Variants in TRIOBP observed in about 807,000 individuals in gnomAD.
TRIOBP encodes the protein TRIO and F-actin binding protein, also known as TRIO and F-actin-binding protein.
In TRIOBP, 169 loss-of-function variants were observed where a neutral mutation model predicts 238.8. The observed-to-expected ratio is 0.71, with a 90% confidence interval of 0.62 to 0.80. TRIOBP has a LOEUF of 0.80. Among genes scored for constraint, TRIOBP ranks in the 30% least tolerant of loss-of-function variants. TRIOBP has a pLI of 0.00. For synonymous variants in TRIOBP, 1,150 were observed against 1,274.4 expected (o/e 0.90, Z 2.08); for missense variants, 2,838 against 3,122.6 (o/e 0.91, Z 2.17).
Position 37,724,970 on chromosome 22 carries a change from C to G in TRIOBP, c.2414C>G (p.Ser805Cys). 6.2e-7 allele frequency: 1 copy of G among 1,613,962 alleles called. No homozygotes were observed. Among genetic ancestry groups the G allele is most frequent in the Non-Finnish European group, 8.5e-7 (1 of 1,179,900 alleles). Residue 805 changes from serine to cysteine, a missense_variant, in exon 7 of 24, where the codon TCT becomes TGT. This residue lies in a region of TRIOBP where 2,096 missense variants were observed against 2,137.4 expected (regional missense o/e 0.98). Transcript: ENST00000644935. ...CAQRDNLRASSPIRATQQDNP... is the reference protein window; with the variant it reads ...CAQRDNLRASCPIRATQQDNP... ...CAGCGGGACAATCTCAGAGCCTCCT[C>G]TCCCATCAGAGCCACCCAACAGGAC...
chr22:37,755,048 G>C, intron 13 of TRIOBP, 53 bp from the exon 14 acceptor site: 1 of 1,610,854 alleles, frequency 6.2e-7, no homozygotes, highest in Non-Finnish European at 8.5e-7. Flanking sequence ...TGGGTTCACT[G>C]GGGTGGGTCA....
chr22:37,755,719 G>C, intron 15 of TRIOBP, 60 bp downstream of exon 15: 1 of 1,467,256 alleles, frequency 6.8e-7, no homozygotes, highest in South Asian at 1.2e-5. Flanking sequence ...TCCCCGAGTG[G>C]GTTTCTAGGT....
intron 3 of TRIOBP, among the ~76,000 whole-genome samples, chr22:37,703,441 C>T (rs1331355434): frequency 1.3e-5 from 2 of 151,818 alleles, no homozygotes; most frequent in African/African-American, 2.4e-5. Flanking sequence ...CACGAACCTC[C>T]GAGGGCCCTT....
intron 11 of TRIOBP, chr22:37,751,262 A>C (rs1051892296): frequency 5.8e-6 from 2 of 342,630 alleles, no homozygotes. Flanking sequence ...AGGGTTTCTG[A>C]CCCCAGCCTG....
chr22:37,725,591 C>G lies in TRIOBP; in HGVS notation c.3035C>G (p.Pro1012Arg), dbSNP rs758210705. The G allele has an allele frequency of 2.5e-6, 4 of 1,613,984 alleles. No homozygotes were observed. Among genetic ancestry groups the G allele is most frequent in the Non-Finnish European group, 8.5e-7 (1 of 1,179,990 alleles). The change falls in exon 7 of 24, where the codon CCT becomes CGT. Residue 1012 changes from proline (P) to arginine (R), a missense_variant. This residue lies in a region of TRIOBP where 2,096 missense variants were observed against 2,137.4 expected (regional missense o/e 0.98). Transcript: ENST00000644935. ...APLTSPEPSQPPCAVCIGHRD... is the reference protein window; with the variant it reads ...APLTSPEPSQRPCAVCIGHRD... ...CTGACCTCTCCTGAGCCCTCCCAGC[C>G]TCCATGTGCTGTGTGCATTGGGCAC...
intron 7 of TRIOBP, among the ~76,000 whole-genome samples, chr22:37,731,347 G>T (rs1309585267): frequency 6.6e-6 from 1 of 151,832 alleles, no homozygotes; most frequent in Admixed American, 6.6e-5. Flanking sequence ...TCATTCTGTT[G>T]CCAGGGCTGT....
chr22:37,763,824 G>A (rs1926355136), intron 17 of TRIOBP, among the ~76,000 whole-genome samples: 2 of 152,162 alleles, frequency 1.3e-5, no homozygotes, highest in African/African-American at 4.8e-5. Flanking sequence ...GCTTCTGTAG[G>A]CGAGAAGTCT....
chr22:37,755,613 G>T lies in TRIOBP; in HGVS notation c.5641G>T (p.Ala1881Ser). 1 of 1,614,110 alleles carries T rather than the reference G, an allele frequency of 6.2e-7. No individual in the cohort carries two copies. The highest frequency in any genetic ancestry group is 8.5e-7 in the Non-Finnish European group (1 of 1,180,032). The change falls in exon 15 of 24, where the codon GCT becomes TCT. Residue 1881 changes from alanine to serine, a missense_variant. Physicochemically the swap from Ala to Ser is moderately conservative, Grantham distance 99. This residue lies in a region of TRIOBP where 2,096 missense variants were observed against 2,137.4 expected (regional missense o/e 0.98). Transcript: ENST00000644935. ...AGGCATCCGGCGGAACTGGATCGAG[G>T]CTCTGAGAAAGACCGTACGTCCAAC... is the stretch of plus-strand genomic sequence containing the variant. ...TSGIRRNWIEALRKTVRPTSA... is the reference protein window; with the variant it reads ...TSGIRRNWIESLRKTVRPTSA...
Position 37,769,292 on chromosome 22 carries a change from G to C in TRIOBP, c.6766G>C (p.Asp2256His), listed in dbSNP as rs762380317. 6.2e-6 allele frequency: 10 copies of C among 1,611,988 alleles called. No individual in the cohort carries two copies. The South Asian group carries it at 7.7e-5, about 12-fold the overall frequency. The change falls in exon 21 of 24, where the codon GAC (aspartate) becomes CAC (histidine). Residue 2256 changes from aspartate (D) to histidine (H), a missense_variant. Transcript: ENST00000644935. ...GCATGGCCGCCTGTCAGAGGAGATA[G>C]ACCAGCTGCGCGGCTTCATTGCCTC... ...ELHGRLSEEI[D>H]QLRGFIASQG...
chr22:37,725,475 A>G lies in TRIOBP; in HGVS notation c.2919A>G (p.Pro973=), dbSNP rs1414066385. 3 of 1,613,168 alleles carry G rather than the reference A, an allele frequency of 1.9e-6. No homozygotes were observed. The highest frequency in any genetic ancestry group is 2.5e-6 in the Non-Finnish European group (3 of 1,179,796). Reference sequence around the variant, plus strand: ...TTGGCCCCACCCAGTACAACTTGCCATCCCGGGCCACCTCTTCCTCCCATA... The same window carrying G: ...TTGGCCCCACCCAGTACAACTTGCCGTCCCGGGCCACCTCTTCCTCCCATA... ...SSFGPTQYNL[P]SRATSSSHNP... Residue 973 remains proline (P), a synonymous_variant, in exon 7 of 24, where the codon CCA becomes CCG. Coordinates refer to ENST00000644935, the MANE Select transcript of TRIOBP (RefSeq NM_001039141.3).
At chr22:37,772,394 G>A (rs553876726) in intron 22 of TRIOBP, among the ~76,000 whole-genome samples, 9 of 152,312 alleles carry the variant, frequency 5.9e-5, no homozygotes, top group African/African-American at 1.9e-4. Context: ...GAAACAGGAT[G>A]AGGATGACAA....
chr22:37,734,655 A>G lies in TRIOBP; in HGVS notation c.4319A>G (p.His1440Arg). Reference protein sequence around the residue: ...QEEPPGSQGPHRHLERSWSSQ... With the variant: ...QEEPPGSQGPRRHLERSWSSQ... ...GAACCGCCAGGGTCCCAGGGCCCTC[A>G]TAGACACCTAGAAAGGAGCTGGAGC... Residue 1440 changes from histidine to arginine, a missense_variant, in exon 9 of 24, where the codon CAT becomes CGT. By Grantham distance (29) the His-to-Arg change is conservative. This residue lies in a region of TRIOBP where 2,096 missense variants were observed against 2,137.4 expected (regional missense o/e 0.98). Transcript: ENST00000644935. The G allele has an allele frequency of 1.9e-6, 3 of 1,597,206 alleles. No homozygotes were observed. Among genetic ancestry groups the G allele is most frequent in the South Asian group, 2.2e-5 (2 of 89,102 alleles).
rs764900143 is a variant in TRIOBP at position 37,745,351 on chromosome 22, CAG to C, written c.5322+4324_5322+4325del. 1.5e-4 allele frequency among the ~76,000 whole-genome samples: 23 copies of C among 152,228 alleles called. 1 individual carries two copies. Among genetic ancestry groups the C allele is most frequent in the Middle Eastern group, 6.8e-3 (2 of 294 alleles). On this transcript the variant is annotated intron_variant, in intron 11 of 23. Transcript: ENST00000644935. ...GAGGTAACAGCATTACCCCATTTTA[CAG>C]AGAGTGAAATTGAGCACCGAGAGGT...
chr22:37,719,173 C>T (rs1192807800), intron 6 of TRIOBP, among the ~76,000 whole-genome samples: 1 of 146,804 alleles, frequency 6.8e-6, no homozygotes, highest in African/African-American at 2.5e-5. Flanking sequence ...ACTGCACTCC[C>T]GCCTGGGCAA....
chr22:37,727,265 T>TC (rs936657962), intron 7 of TRIOBP, among the ~76,000 whole-genome samples: 2 of 151,784 alleles, frequency 1.3e-5, no homozygotes, highest in African/African-American at 2.4e-5. Context: ...TTTTTTTTTT[T>TC]TCTTCCGTGC....
At position 37,724,433 on chromosome 22, in the gene TRIOBP, C is replaced by T. The variant is rs1345049186; in HGVS notation, c.1877C>T (p.Thr626Ile). Residue 626 changes from threonine (T) to isoleucine (I), a missense_variant, in exon 7 of 24, where the codon ACA becomes ATA. Around this residue, in one of 5 missense-constraint regions of TRIOBP, gnomAD observed 167 missense variants for 200.2 expected, o/e 0.83. Coordinates refer to ENST00000644935, the MANE Select transcript of TRIOBP (RefSeq NM_001039141.3). ...PNRATRDNPR[T>I]SCAQRDNPRA... ...AGAGCCACACGAGATAACCCCAGAA[C>T]ATCCTGTGCCCAGCGGGACAATCCC... The T allele has an allele frequency of 6.2e-7, 1 of 1,612,588 alleles. No homozygotes were observed. The highest frequency in any genetic ancestry group is 8.5e-7 in the Non-Finnish European group (1 of 1,179,462).
chr22:37,718,843 GTT>G (rs71195044), intron 6 of TRIOBP, among the ~76,000 whole-genome samples: 68 of 103,344 alleles, frequency 6.6e-4, no homozygotes, highest in East Asian at 1.2e-3. Flanking sequence ...ACTGGGGCTT[GTT>G]TTTTTTTTTT....
At chr22:37,763,865 C>T (rs1476777444) in intron 17 of TRIOBP, among the ~76,000 whole-genome samples, 4 of 152,188 alleles carry the variant, frequency 2.6e-5, no homozygotes, top group Non-Finnish European at 4.4e-5. Context: ...GCAGCCAAGG[C>T]GTGGGCAGGA....
In TRIOBP at chr22:37,735,205, G is replaced by A. The variant is rs1467476651; in HGVS notation, c.4869G>A (p.Glu1623=). 8 of 1,608,334 alleles carry A rather than the reference G, an allele frequency of 5.0e-6. No homozygotes were observed. Among genetic ancestry groups the A allele is most frequent in the Non-Finnish European group, 6.8e-6 (8 of 1,176,100 alleles). Residue 1623 remains glutamate, a synonymous_variant, in exon 9 of 24, where the codon GAG becomes GAA. Coordinates refer to ENST00000644935, the MANE Select transcript of TRIOBP (RefSeq NM_001039141.3). ...LGPPGTNDVP[E]QESHSQPEGW... ...CCCCAGGCACAAACGATGTCCCTGA[G>A]CAGGAGTCACACAGCCAGCCAGAAG...
Sources: gnomAD v4.1 joint callset for allele counts (sites outside exome capture counted in the v4.1 genomes callset) on GRCh38, gnomAD v4.1.1 for gene constraint, gnomAD v4.1.1 regional missense constraint, MANE v1.5 for transcripts, NCBI Gene and HGNC (gene_info 2026-07-23, HGNC 2026-07-21) for gene names.